The following LRCH3 variants were observed in gnomAD, a reference collection of about 807,000 sequenced individuals.
LRCH3 encodes DISP complex protein LRCH3.
LRCH3 carries 68 observed loss-of-function variants against 104.5 expected under a neutral mutation model. The ratio of observed to expected loss-of-function variants is 0.65; its 90% CI spans 0.54 to 0.80. The LOEUF (loss-of-function observed/expected upper bound fraction) is 0.80, where lower values mean the gene tolerates loss of function less well. Among genes scored for constraint, LRCH3 ranks in the 30% least tolerant of loss-of-function variants. The pLI, the probability that LRCH3 is intolerant of heterozygous loss-of-function variation, is 0.00. For synonymous variants in LRCH3, 344 were observed against 361.3 expected, an observed-to-expected ratio of 0.95 and a Z score of 0.54; for missense variants, 951 against 953.9, an observed-to-expected ratio of 1.00 and a Z score of 0.04.
intron 20 of LRCH3, chr3:197,882,752 C>G: frequency 1.0e-6 from 1 of 985,292 alleles, no homozygotes; most frequent in Non-Finnish European, 1.2e-6. Flanking sequence ...ATTAAGGAAG[C>G]GTTTAACTTC....
In LRCH3 at chr3:197,796,154, A is replaced by G. The variant is rs542576323; in HGVS notation, c.262+4614A>G. Among the ~76,000 whole-genome samples the G allele has an allele frequency of 2.9e-3, 441 of 152,316 alleles. 4 individuals carry two copies. Among genetic ancestry groups the G allele is most frequent in the African/African-American group, 0.01 (425 of 41,582 alleles). ...ATAGCCAATAGCTTTAGAGGTCAGC[A>G]TTCATTCAACAGACATTTATTGACT... is the stretch of plus-strand genomic sequence containing the variant. On this transcript the variant is annotated intron_variant, in intron 1 of 20. Coordinates refer to ENST00000425562, the MANE Select transcript of LRCH3 (RefSeq NM_001365715.1).
rs1180416040 is a variant in LRCH3, at chr3:197,854,268, CTA to C, written c.1591-122_1591-121del. 1.2e-6 allele frequency: 1 copy of C among 827,412 alleles called. No individual in the cohort carries two copies. Among genetic ancestry groups the C allele is most frequent in the Non-Finnish European group, 2.1e-6 (1 of 475,638 alleles). The allele number at this position is 827,412 out of a possible 1,614,324, so 51.3% of individuals were successfully genotyped here. ...TCCAGATGATTGTGAATGTGGTCCT[CTA>C]TGTCAACGTCTTCAAAAGTATGTCT... On this transcript the variant is annotated intron_variant, in intron 13 of 20. Transcript: ENST00000425562. This position sits in a 1 kb window ranked among gnomAD's most constrained non-coding sequence, Gnocchi z 4.5.
At chr3:197,880,046 C>T (rs186475859) in intron 20 of LRCH3, among the ~76,000 whole-genome samples, 7 of 149,148 alleles carry the variant, frequency 4.7e-5, no homozygotes, top group Admixed American at 1.3e-4. Context: ...CCCGGGTTCC[C>T]GCCATTCTCC....
chr3:197,850,573 G>C, intron 12 of LRCH3: 1 of 1,585,926 alleles, frequency 6.3e-7, no homozygotes, highest in Non-Finnish European at 8.6e-7. Flanking sequence ...CTGTAGGTCC[G>C]GCGGCACATC....
At chr3:197,835,497 TAAAAAAA>T (rs79382131) in intron 8 of LRCH3, among the ~76,000 whole-genome samples, 170 bp from the exon 9 acceptor site, 5 of 135,100 alleles carry the variant, frequency 3.7e-5, no homozygotes, top group Non-Finnish European at 4.7e-5. Context: ...ATAAAATGGG[TAAAAAAA>T]AAAAAAAAAA....
chr3:197,842,009 T>C (rs1012313966), intron 10 of LRCH3, among the ~76,000 whole-genome samples: 1 of 151,996 alleles, frequency 6.6e-6, no homozygotes, highest in East Asian at 1.9e-4. Flanking sequence ...TTTTTTGTTA[T>C]TTTTAGGAGA....
rs1397493835 is a variant in LRCH3 at position 197,835,826 on chromosome 3, G to A, written c.1251+4G>A. The A allele has an allele frequency of 1.2e-6, 2 of 1,613,668 alleles. No homozygotes were observed. Among genetic ancestry groups the A allele is most frequent in the Non-Finnish European group, 1.7e-6 (2 of 1,179,746 alleles). On this transcript the variant is annotated splice_donor_region_variant and intron_variant, in intron 9 of 20. Coordinates refer to ENST00000425562, the MANE Select transcript of LRCH3 (RefSeq NM_001365715.1). Reference sequence around the variant, plus strand: ...ACAGCGGCGAATCTCTCATGAGGTAGTACACAGATTGAAGCCTAAATATGT... The same window carrying A: ...ACAGCGGCGAATCTCTCATGAGGTAATACACAGATTGAAGCCTAAATATGT...
chr3:197,799,798 G>A (rs938088508), intron 1 of LRCH3, among the ~76,000 whole-genome samples: 2 of 149,724 alleles, frequency 1.3e-5, no homozygotes, highest in South Asian at 2.1e-4. Context: ...TGCTTATCCC[G>A]GGAGGCAGAA....
chr3:197,828,625 G>A (rs1157046024), intron 5 of LRCH3, among the ~76,000 whole-genome samples: 3 of 151,530 alleles, frequency 2.0e-5, no homozygotes, highest in Non-Finnish European at 4.4e-5. Flanking sequence ...GATTACAGGT[G>A]TGAGCCACCG....
At chr3:197,813,761 C>T (rs1733499476) in intron 1 of LRCH3, among the ~76,000 whole-genome samples, 1 of 151,692 alleles carries the variant, frequency 6.6e-6, no homozygotes, top group African/African-American at 2.4e-5. Flanking sequence ...AAACTCCTGA[C>T]CTCAAGTGAT....
intron 2 of LRCH3, among the ~76,000 whole-genome samples, chr3:197,816,410 A>G (rs12108105): frequency 0.026 from 3,945 of 152,098 alleles, 77 homozygotes; most frequent in East Asian, 0.054. Context: ...CCTCCCGAGT[A>G]GCTGGGATTA....
chr3:197,821,348 T>C (rs777370698), intron 4 of LRCH3, among the ~76,000 whole-genome samples: 12 of 152,176 alleles, frequency 7.9e-5, no homozygotes, highest in Non-Finnish European at 1.5e-4. Flanking sequence ...TAATGAAGTC[T>C]AGTTTATCAA....
chr3:197,845,762 G>A (rs965348185), intron 10 of LRCH3, among the ~76,000 whole-genome samples: 11 of 152,056 alleles, frequency 7.2e-5, no homozygotes, highest in Admixed American at 3.3e-4. Context: ...AAAATTAGCC[G>A]AGTGTGGTGG....
At chr3:197,817,149 C>A in intron 2 of LRCH3, 27 bp from the exon 3 acceptor site, 1 of 1,574,996 alleles carries the variant, frequency 6.3e-7, no homozygotes, top group South Asian at 1.2e-5. Context: ...GACTCTGATT[C>A]TTCTCTCTTT....
In LRCH3 at chr3:197,832,243, C is replaced by G; in HGVS notation, c.1028C>G (p.Thr343Ser). ...CTGCCTCTTCGAGTAGCAGAGATTA[C>G]TAAAGAACAAAGACTACGAAGAGAA... ...SDLPLRVAEI[T>S]KEQRLRRESQ... is the part of the protein sequence containing the mutation. The change falls in exon 8 of 21, where the codon ACT becomes AGT. Residue 343 changes from threonine (T) to serine (S), a missense_variant. By Grantham distance (58) the Thr-to-Ser change is moderately conservative. Transcript: ENST00000425562. 1 of 1,613,702 alleles carries G rather than the reference C, an allele frequency of 6.2e-7. No individual in the cohort carries two copies. The highest frequency in any genetic ancestry group is 1.1e-5 in the South Asian group (1 of 91,056).
chr3:197,848,322 C>T, intron 12 of LRCH3: 1 of 247,796 alleles, frequency 4.0e-6, no homozygotes, highest in Non-Finnish European at 7.9e-6. Context: ...CTGTGTGAAC[C>T]ATAAAAGGCC....
chr3:197,830,444 C>G (rs1735779019), intron 6 of LRCH3, among the ~76,000 whole-genome samples: 1 of 152,150 alleles, frequency 6.6e-6, no homozygotes, highest in African/African-American at 2.4e-5. Context: ...GGACTTTACT[C>G]AAAAGAGAAC....
intron 1 of LRCH3, among the ~76,000 whole-genome samples, chr3:197,800,245 TAGAG>T (rs919825842): frequency 6.6e-6 from 1 of 151,986 alleles, no homozygotes; most frequent in South Asian, 2.1e-4. Context: ...TTTCATATCA[TAGAG>T]AGTGGGAAGG....
intron 16 of LRCH3, 49 bp downstream of exon 16, chr3:197,865,520 AT>A (rs1235601710): frequency 8.5e-7 from 1 of 1,169,702 alleles, no homozygotes; most frequent in Non-Finnish European, 1.2e-6. Context: ...ATAATTCTTT[AT>A]TTTTTTATTT....
Sources: allele counts gnomAD v4.1 joint callset (sites outside exome capture counted in the v4.1 genomes callset), GRCh38; gene constraint gnomAD v4.1.1; non-coding constraint Gnocchi (gnomAD v3.1); transcripts MANE v1.5; gene names NCBI Gene and HGNC (gene_info 2026-07-23, HGNC 2026-07-21).